YJU2: variants seen among roughly 807,000 people sequenced by gnomAD.
The protein encoded by YJU2 is splicing factor YJU2.
Under a neutral mutation model 39.6 loss-of-function variants are expected in YJU2, and 28 were observed. The observed-to-expected ratio is 0.71, with a 90% CI of 0.52 to 0.97. YJU2 has a LOEUF of 0.97. Ranked by LOEUF, YJU2 falls within the 50% of genes least tolerant of loss-of-function variation. The pLI, the probability that YJU2 is intolerant of heterozygous loss-of-function variation, is 0.00. For synonymous variants in YJU2, 184 were observed against 182.4 expected, an observed-to-expected ratio of 1.01 and a Z score of -0.07; for missense variants, 328 against 430.4, an observed-to-expected ratio of 0.76 and a Z score of 2.11.
chr19:4,268,752 T>C lies in YJU2; in HGVS notation c.*56T>C, dbSNP rs79527527. On this transcript the variant is annotated 3_prime_UTR_variant, in exon 8 of 8. Coordinates refer to ENST00000262962, the MANE Select transcript of YJU2 (RefSeq NM_018074.6). Reference sequence around the variant, plus strand: ...GTCACACGTCCAGCTTCAGCCACATTGAGGCCAGCATTGCTGGTGGTCAGG... The same window carrying C: ...GTCACACGTCCAGCTTCAGCCACATCGAGGCCAGCATTGCTGGTGGTCAGG... The C allele has an allele frequency of 4.8e-4, 612 of 1,286,346 alleles. 3 individuals carry two copies. The African/African-American group carries it at 5.6e-3, about 12-fold the overall frequency. The allele number at this position is 1,286,346 out of a possible 1,614,324, so 79.7% of individuals were successfully genotyped here.
intron 4 of YJU2, among the ~76,000 whole-genome samples, chr19:4,258,037 T>C (rs1412683627): frequency 6.6e-6 from 1 of 152,126 alleles, no homozygotes; most frequent in Non-Finnish European, 1.5e-5. Context: ...CTCAGCCCCA[T>C]GTGGTCACTT....
At chr19:4,260,849 T>C (rs769124720) in intron 5 of YJU2, among the ~76,000 whole-genome samples, 74 of 152,238 alleles carry the variant, frequency 4.9e-4, no homozygotes, top group African/African-American at 1.5e-3. Flanking sequence ...CGGAGCTCAC[T>C]GTGTGGGGAG....
chr19:4,267,474 G>T (rs1457907588), intron 6 of YJU2, 150 bp from the exon 7 acceptor site: 2 of 778,630 alleles, frequency 2.6e-6, no homozygotes, highest in Non-Finnish European at 4.1e-6. Flanking sequence ...GGGCAGTGGG[G>T]AGCCATAGAG....
At chr19:4,268,504 C>T in intron 7 of YJU2, 80 bp from the exon 8 acceptor site, 1 of 975,538 alleles carries the variant, frequency 1.0e-6, no homozygotes, top group South Asian at 1.4e-5. Context: ...TGCAAACCTG[C>T]AGAGGTGGCC....
At chr19:4,251,244 C>A in intron 3 of YJU2, 73 bp downstream of exon 3, 1 of 1,427,964 alleles carries the variant, frequency 7.0e-7, no homozygotes, top group African/African-American at 1.4e-5. Flanking sequence ...CCTGGGGTTC[C>A]TTAACTCCAA....
At chr19:4,263,787 G>GA (rs1476520466) in intron 6 of YJU2, among the ~76,000 whole-genome samples, 38 of 146,854 alleles carry the variant, frequency 2.6e-4, no homozygotes, top group Middle Eastern at 3.5e-3. Flanking sequence ...TCCAGCCTGG[G>GA]CAACAGAGTG....
At position 4,253,826 on chromosome 19, in the gene YJU2, A is replaced by AT. The variant is rs34331780; in HGVS notation, c.271-514dup. 4.1e-3 allele frequency among the ~76,000 whole-genome samples: 599 copies of AT among 147,582 alleles called. 1 individual carries two copies. The highest frequency in any genetic ancestry group is 0.014 in the Middle Eastern group (4 of 286). On this transcript the variant is annotated intron_variant, in intron 3 of 7. Coordinates refer to ENST00000262962, the MANE Select transcript of YJU2 (RefSeq NM_018074.6). ...TCACAACATGTGCAGAACCTTGGAG[A>AT]TTTTTTTTTTTTTTTGAGACAGGGT...
chr19:4,257,520 T>A (rs1370391544), intron 4 of YJU2, among the ~76,000 whole-genome samples: 3 of 151,914 alleles, frequency 2.0e-5, no homozygotes, highest in Admixed American at 6.6e-5. Context: ...GTCACCCAGG[T>A]TGGAGTCCAG....
chr19:4,254,267 G>C (rs1295392123), intron 3 of YJU2, 88 bp from the exon 4 acceptor site: 4 of 947,018 alleles, frequency 4.2e-6, no homozygotes, highest in Non-Finnish European at 6.8e-6. Flanking sequence ...AAAAATCAGA[G>C]AGAAGGGGCC....
chr19:4,254,496 CGGG>C lies in YJU2; in HGVS notation c.405+10_405+12del. 1.9e-6 allele frequency: 3 copies of C among 1,579,850 alleles called. No individual in the cohort carries two copies. The highest frequency in any genetic ancestry group is 1.1e-5 in the South Asian group (1 of 87,792). On this transcript the variant is annotated splice_region_variant and intron_variant, in intron 4 of 7. Transcript: ENST00000262962. ...GCTGAACAACCCCATGAAGGTGAGT[CGGG>C]GGCCATGTAGGTGTTCATGGGCGCT...
At chr19:4,249,420 C>A (rs1254657021) in intron 2 of YJU2, 92 bp downstream of exon 2, 2 of 776,372 alleles carry the variant, frequency 2.6e-6, no homozygotes, top group African/African-American at 1.7e-5. Context: ...GTGTTAAGAC[C>A]AGATCACTGG....
chr19:4,266,906 G>A (rs1390303803), intron 6 of YJU2, among the ~76,000 whole-genome samples: 1 of 152,190 alleles, frequency 6.6e-6, no homozygotes. Flanking sequence ...GTTCGAGGCT[G>A]CAGTGAGCTA....
At chr19:4,262,254 A>C (rs1378643889) in intron 6 of YJU2, 140 bp downstream of exon 6, 3 of 859,550 alleles carry the variant, frequency 3.5e-6, no homozygotes, top group Non-Finnish European at 1.7e-6. Context: ...GCTGGAGTGC[A>C]GTGGCACGAT....
At chr19:4,250,680 G>C (rs1270765331) in intron 2 of YJU2, among the ~76,000 whole-genome samples, 5 of 152,064 alleles carry the variant, frequency 3.3e-5, no homozygotes, top group African/African-American at 1.2e-4. Flanking sequence ...GGGGAAGAGG[G>C]GGGTGGGGCA....
chr19:4,248,812 T>C (rs1970952050), intron 1 of YJU2, among the ~76,000 whole-genome samples: 1 of 151,750 alleles, frequency 6.6e-6, no homozygotes. Context: ...CCAGCTACTG[T>C]AGAGGCTGAG....
At position 4,254,432 on chromosome 19, in the gene YJU2, G is replaced by A. The variant is rs370178059; in HGVS notation, c.348G>A (p.Glu116=). The change falls in exon 4 of 8, where the codon GAG becomes GAA. Residue 116 remains glutamate (E), a synonymous_variant. Coordinates refer to ENST00000262962, the MANE Select transcript of YJU2 (RefSeq NM_018074.6). ...RNFQAEKLLE[E]EEKRVQKERE... ...TCCAGGCTGAGAAGCTCCTGGAGGA[G>A]GAGGAGAAGAGGGTGCAGAAGGAGC... is the stretch of plus-strand genomic sequence containing the variant. 4 of 1,613,556 alleles carry A rather than the reference G, an allele frequency of 2.5e-6. No individual in the cohort carries two copies. Among genetic ancestry groups the A allele is most frequent in the Non-Finnish European group, 3.4e-6 (4 of 1,179,786 alleles).
chr19:4,247,165 T>C lies in YJU2; in HGVS notation c.19T>C (p.Leu7=), dbSNP rs778491292. The part of the protein sequence containing the change: MSERKV[L]NKYYPPDFDP... ...GGCAAAGATGTCGGAGCGAAAAGTATTAAACGTAAGTGTTGGGCGACTGGG... is the reference window on the plus strand; with the variant it reads ...GGCAAAGATGTCGGAGCGAAAAGTACTAAACGTAAGTGTTGGGCGACTGGG... Residue 7 remains leucine (L), a synonymous_variant, in exon 1 of 8, where the codon TTA becomes CTA. Coordinates refer to ENST00000262962, the MANE Select transcript of YJU2 (RefSeq NM_018074.6). 2.5e-6 allele frequency: 4 copies of C among 1,613,974 alleles called. No individual in the cohort carries two copies. The highest frequency in any genetic ancestry group is 2.2e-5 in the East Asian group (1 of 44,884).
chr19:4,260,657 C>T (rs979857410), intron 5 of YJU2, among the ~76,000 whole-genome samples: 6 of 152,078 alleles, frequency 3.9e-5, no homozygotes, highest in Non-Finnish European at 8.8e-5. Context: ...GACGGGGTCT[C>T]GCTATGTTGC....
At chr19:4,257,644 T>C (rs1348378321) in intron 4 of YJU2, among the ~76,000 whole-genome samples, 1 of 152,150 alleles carries the variant, frequency 6.6e-6, no homozygotes, top group African/African-American at 2.4e-5. Flanking sequence ...CAGCTACTTT[T>C]TGTATTTTTA....
Sources: gnomAD v4.1 joint callset for allele counts (sites outside exome capture counted in the v4.1 genomes callset) on GRCh38, gnomAD v4.1.1 for gene constraint, MANE v1.5 for transcripts, NCBI Gene and HGNC (gene_info 2026-07-23, HGNC 2026-07-21) for gene names.